COQ7: variants seen among roughly 807,000 people sequenced by gnomAD.
The protein encoded by COQ7 is NADPH-dependent 3-demethoxyubiquinone 3-hydroxylase, mitochondrial.
Under a neutral mutation model 25.0 loss-of-function variants are expected in COQ7, and 21 were observed. The observed-to-expected ratio is 0.84, with a 90% CI of 0.60 to 1.21. The LOEUF (loss-of-function observed/expected upper bound fraction) is 1.21. Ranked by LOEUF, COQ7 falls within the 50% of genes most tolerant of loss-of-function variation. The pLI, the probability that COQ7 is intolerant of heterozygous loss-of-function variation, is 0.00. For synonymous variants in COQ7, 125 were observed against 112.4 expected, an observed-to-expected ratio of 1.11 and a Z score of -0.71; for missense variants, 311 against 296.2, an observed-to-expected ratio of 1.05 and a Z score of -0.37.
rs1387914154 is a variant in COQ7, at chr16:19,079,565, A to G, written c.*1407A>G. The G allele has an allele frequency of 2.6e-5, 4 of 151,824 alleles. No individual in the cohort carries two copies. Among genetic ancestry groups the G allele is most frequent in the East Asian group, 1.9e-4 (1 of 5,166 alleles). The allele number at this position is 151,824 out of a possible 1,614,324, so 9.4% of individuals were successfully genotyped here. Reference sequence around the variant, plus strand: ...AGATTAAACTTTTTTTTTTCAGTTTATGGACCAAGAGTTTTGATTTATTTA... The same window carrying G: ...AGATTAAACTTTTTTTTTTCAGTTTGTGGACCAAGAGTTTTGATTTATTTA... On this transcript the variant is annotated 3_prime_UTR_variant, in exon 6 of 6. Coordinates refer to ENST00000321998, the MANE Select transcript of COQ7 (RefSeq NM_016138.5).
intron 4 of COQ7, 136 bp from the exon 5 acceptor site, chr16:19,077,166 GTATT>G (rs1962891111): frequency 1.5e-6 from 1 of 676,304 alleles, no homozygotes; most frequent in Non-Finnish European, 2.6e-6. Context: ...TTGCAACAAA[GTATT>G]TACTCTCTGG....
Position 19,067,629 on chromosome 16 carries a change from CGTTCAACGAA to C in COQ7, c.-33_-24del. 1 of 1,613,022 alleles carries C rather than the reference CGTTCAACGAA, an allele frequency of 6.2e-7. No individual in the cohort carries two copies. Among genetic ancestry groups the C allele is most frequent in the Non-Finnish European group, 8.5e-7 (1 of 1,179,188 alleles). ...AGCCAAGGGCACTATTGGCCAGTTC[CGTTCAACGAA>C]GTGGTTGCTTTTTTTAGTTCCGGCA... On this transcript the variant is annotated 5_prime_UTR_variant, in exon 1 of 6. Coordinates refer to ENST00000321998, the MANE Select transcript of COQ7 (RefSeq NM_016138.5).
chr16:19,076,180 G>A (rs958758774), intron 4 of COQ7, among the ~76,000 whole-genome samples: 5 of 151,732 alleles, frequency 3.3e-5, no homozygotes, highest in African/African-American at 1.2e-4. Flanking sequence ...TCAAACTCTT[G>A]GGTTCAAGTG....
intron 1 of COQ7, among the ~76,000 whole-genome samples, chr16:19,069,533 C>A (rs925483229): frequency 2.0e-5 from 3 of 151,032 alleles, no homozygotes; most frequent in African/African-American, 2.4e-5. Context: ...GCCTCAGACT[C>A]CCGAGTAGCT....
At chr16:19,071,796 C>A in intron 1 of COQ7, 132 bp from the exon 2 acceptor site, 1 of 891,904 alleles carries the variant, frequency 1.1e-6, no homozygotes. Context: ...TAAACAGAGT[C>A]CGTTTATGGG....
chr16:19,068,862 C>T (rs4630530), intron 1 of COQ7: 243,102 of 448,798 alleles, frequency 0.54, 70,991 homozygotes, highest in East Asian at 0.76. Flanking sequence ...GAAGCCAGTG[C>T]CACTTGCCAC....
downstream of COQ7, among the ~76,000 whole-genome samples, chr16:19,083,090 G>A (rs1202652684): frequency 1.3e-5 from 2 of 152,128 alleles, no homozygotes; most frequent in Non-Finnish European, 2.9e-5. Flanking sequence ...ATTGTGAATT[G>A]TATGGCATGT....
chr16:19,067,960 C>A, intron 1 of COQ7: 1 of 1,425,176 alleles, frequency 7.0e-7, no homozygotes, highest in Admixed American at 3.1e-5. Context: ...TCGGCAGTGA[C>A]GCCTGGGGAG....
At chr16:19,069,717 A>G (rs1165028928) in intron 1 of COQ7, among the ~76,000 whole-genome samples, 2 of 149,720 alleles carry the variant, frequency 1.3e-5, no homozygotes, top group East Asian at 2.0e-4. Context: ...AGCCAATTTT[A>G]TATGTAAGAA....
At chr16:19,067,976 C>T (rs1219735905) in intron 1 of COQ7, 5 of 1,412,510 alleles carry the variant, frequency 3.5e-6, no homozygotes, top group Non-Finnish European at 4.6e-6. Flanking sequence ...GGGAGTGACG[C>T]AATTGCACCC....
intron 3 of COQ7, among the ~76,000 whole-genome samples, chr16:19,074,375 A>C (rs1397437197): frequency 6.6e-6 from 1 of 151,886 alleles, no homozygotes; most frequent in Non-Finnish European, 1.5e-5. Context: ...AAATACAAAA[A>C]TTAGCCGGGC....
In COQ7 at chr16:19,078,893, C is replaced by T. The variant is rs1962997744; in HGVS notation, c.*735C>T. ...GATTGGCCAAGCAGAACTATGAAGT[C>T]CATCAAGTAAGTCAAAGATCATCGT... On this transcript the variant is annotated 3_prime_UTR_variant, in exon 6 of 6. Coordinates refer to ENST00000321998, the MANE Select transcript of COQ7 (RefSeq NM_016138.5). 6.6e-6 allele frequency: 1 copy of T among 152,134 alleles called. No homozygotes were observed. The highest frequency in any genetic ancestry group is 2.1e-4 in the South Asian group (1 of 4,828). The allele number at this position is 152,134 out of a possible 1,614,324, so 9.4% of individuals were successfully genotyped here.
chr16:19,075,762 TGCACCGTGGCGGTGGAAGAGAGCATA>T lies in COQ7; in HGVS notation c.414_439del (p.Val139SerfsTer15), dbSNP rs1444557153. On this transcript the variant is annotated frameshift_variant, in exon 4 of 6. Coordinates refer to ENST00000321998, the MANE Select transcript of COQ7 (RefSeq NM_016138.5). LOFTEE classifies it high-confidence loss of function. ...GCTCGGGAAGGAAGGTGCCATGGCC[TGCACCGTGGCGGTGGAAGAGAGCATA>T]GCACATCACTACAACAACCAGATCA... is the stretch of plus-strand genomic sequence containing the variant. 8 of 1,607,938 alleles carry T rather than the reference TGCACCGTGGCGGTGGAAGAGAGCATA, an allele frequency of 5.0e-6. No individual in the cohort carries two copies. Among genetic ancestry groups the T allele is most frequent in the Non-Finnish European group, 6.8e-6 (8 of 1,177,018 alleles).
At chr16:19,077,526 C>A in intron 5 of COQ7, 152 bp downstream of exon 5, 3 of 488,234 alleles carry the variant, frequency 6.1e-6, no homozygotes, top group Non-Finnish European at 3.8e-6. Context: ...AGCAAGCAAA[C>A]GCATTATTGC....
downstream of COQ7, among the ~76,000 whole-genome samples, chr16:19,081,238 G>A (rs956152391): frequency 5.9e-5 from 9 of 152,146 alleles, no homozygotes; most frequent in East Asian, 1.9e-4. Flanking sequence ...GAAACTATTT[G>A]TGAGTATTCT....
intron 1 of COQ7, among the ~76,000 whole-genome samples, chr16:19,070,977 T>C (rs1962526122): frequency 6.6e-6 from 1 of 152,230 alleles, no homozygotes; most frequent in Non-Finnish European, 1.5e-5. Context: ...TTTTTAAAGA[T>C]AAAATATAAT....
intron 3 of COQ7, among the ~76,000 whole-genome samples, chr16:19,075,442 C>CT (rs1555522396): frequency 6.6e-6 from 1 of 151,746 alleles, no homozygotes; most frequent in Non-Finnish European, 1.5e-5. Context: ...TCAGGTGATC[C>CT]GCCTCGGCCT....
At chr16:19,082,524 G>C (rs1345223453), downstream of COQ7, among the ~76,000 whole-genome samples, 5 of 151,940 alleles carry the variant, frequency 3.3e-5, no homozygotes, top group African/African-American at 4.8e-5. Flanking sequence ...AGTGGCTCAC[G>C]CCTGTAATCC....
In COQ7 at chr16:19,073,959, C is replaced by G. The variant is rs764235511; in HGVS notation, c.291C>G (p.Phe97Leu). The G allele has an allele frequency of 5.0e-6, 8 of 1,613,628 alleles. No individual in the cohort carries two copies. Among genetic ancestry groups the G allele is most frequent in the South Asian group, 2.2e-5 (2 of 91,058 alleles). The change falls in exon 3 of 6, where the codon TTC becomes TTG. Residue 97 changes from phenylalanine to leucine, a missense_variant. Coordinates refer to ENST00000321998, the MANE Select transcript of COQ7 (RefSeq NM_016138.5). ...AAGAAAAGGACCATTTGAAAAAGTTCAATGAGTTGATGGTTACGTTCAGGG... is the reference window on the plus strand; with the variant it reads ...AAGAAAAGGACCATTTGAAAAAGTTGAATGAGTTGATGGTTACGTTCAGGG... ...WDQEKDHLKK[F>L]NELMVTFRVR...
Sources: allele counts gnomAD v4.1 joint callset (sites outside exome capture counted in the v4.1 genomes callset), GRCh38; gene constraint gnomAD v4.1.1; transcripts MANE v1.5; gene names NCBI Gene and HGNC (gene_info 2026-07-23, HGNC 2026-07-21).